The following ATP8A1 variants were observed in gnomAD, a reference collection of about 807,000 sequenced individuals.
ATP8A1 encodes phospholipid-transporting ATPase IA.
Under a neutral mutation model 177.7 loss-of-function variants are expected in ATP8A1, and 90 were observed. That is an observed-to-expected ratio of 0.51 (90% CI 0.43 to 0.60). The LOEUF (loss-of-function observed/expected upper bound fraction) is 0.60. Ranked by LOEUF, ATP8A1 falls within the 20% of genes least tolerant of loss-of-function variation. ATP8A1 has a pLI of 0.00. For synonymous variants in ATP8A1, 493 were observed against 485.9 expected, an observed-to-expected ratio of 1.01 and a Z score of -0.19; for missense variants, 1,072 against 1,392.8, an observed-to-expected ratio of 0.77 and a Z score of 3.67.
At chr4:42,614,814 C>T (rs1393734467) in intron 5 of ATP8A1, among the ~76,000 whole-genome samples, 3 of 152,080 alleles carry the variant, frequency 2.0e-5, no homozygotes, top group African/African-American at 7.2e-5. Flanking sequence ...CCTGAAAAAC[C>T]CCTCTTCCTC....
chr4:42,515,736 A>C (rs997525480), intron 22 of ATP8A1, among the ~76,000 whole-genome samples: 1 of 152,224 alleles, frequency 6.6e-6, no homozygotes, highest in South Asian at 2.1e-4. Flanking sequence ...AAAAGGCAGA[A>C]ATTCTTCTAT....
At chr4:42,546,026 T>G (rs759513365) in intron 19 of ATP8A1, among the ~76,000 whole-genome samples, 1 of 152,014 alleles carries the variant, frequency 6.6e-6, no homozygotes, top group Non-Finnish European at 1.5e-5. Context: ...AACCTGCATA[T>G]CTATGTGTGC....
intron 20 of ATP8A1, among the ~76,000 whole-genome samples, chr4:42,538,617 A>C (rs1194571320): frequency 2.0e-5 from 3 of 152,232 alleles, no homozygotes; most frequent in Non-Finnish European, 4.4e-5. Flanking sequence ...GACAATCCTC[A>C]AAAGAAGATA....
chr4:42,612,757 C>T (rs1230780791), intron 5 of ATP8A1, among the ~76,000 whole-genome samples: 1 of 152,004 alleles, frequency 6.6e-6, no homozygotes, highest in Non-Finnish European at 1.5e-5. Context: ...GAAAACAGGG[C>T]ATCCAATAAG....
intron 1 of ATP8A1, among the ~76,000 whole-genome samples, chr4:42,642,199 A>C (rs1220155610): frequency 1.3e-5 from 2 of 152,204 alleles, no homozygotes; most frequent in Non-Finnish European, 2.9e-5. Flanking sequence ...TTGATAACAC[A>C]ATGCCACAAC....
At position 42,487,699 on chromosome 4, in the gene ATP8A1, A is replaced by C. The variant is rs140019068; in HGVS notation, c.2152-2031T>G. ...AGAGAAGCAAAGGCATAGGTAATTA[A>C]AATTTTATGTTGGGGATTTTTGAAA... On this transcript the variant is annotated intron_variant, in intron 24 of 36. Transcript: ENST00000381668. Among the ~76,000 whole-genome samples, 46 of 152,288 alleles carry C rather than the reference A, an allele frequency of 3.0e-4. 1 individual carries two copies. The East Asian group carries it at 8.1e-3, about 27-fold the overall frequency.
At chr4:42,528,732 G>T (rs929334265) in intron 20 of ATP8A1, among the ~76,000 whole-genome samples, 2 of 152,104 alleles carry the variant, frequency 1.3e-5, no homozygotes, top group Admixed American at 1.3e-4. Context: ...GTGAGACCTT[G>T]ATTGCTTTTC....
intron 33 of ATP8A1, among the ~76,000 whole-genome samples, chr4:42,429,850 T>A (rs1186202000): frequency 6.6e-6 from 1 of 152,228 alleles, no homozygotes; most frequent in African/African-American, 2.4e-5. Context: ...TGAATACATT[T>A]TGCCAAATAA....
At chr4:42,463,229 C>T (rs956113478) in intron 27 of ATP8A1, among the ~76,000 whole-genome samples, 1 of 152,084 alleles carries the variant, frequency 6.6e-6, no homozygotes, top group African/African-American at 2.4e-5. Flanking sequence ...TATGGTTTGG[C>T]TCAAATCTCA....
intron 10 of ATP8A1, 22 bp downstream of exon 10, chr4:42,581,599 G>C (rs2109344711): frequency 2.6e-6 from 4 of 1,565,146 alleles, no homozygotes; most frequent in Non-Finnish European, 3.5e-6. Context: ...GGTCCAAAAG[G>C]TTTCATAGAG....
At chr4:42,582,015 A>T (rs1733136665) in intron 9 of ATP8A1, among the ~76,000 whole-genome samples, 1 of 152,088 alleles carries the variant, frequency 6.6e-6, no homozygotes, top group East Asian at 1.9e-4. Flanking sequence ...CTTACCACCA[A>T]TGTAATGGCA....
At chr4:42,418,398 G>T (rs1713488933) in intron 35 of ATP8A1, among the ~76,000 whole-genome samples, 1 of 152,104 alleles carries the variant, frequency 6.6e-6, no homozygotes, top group Non-Finnish European at 1.5e-5. Context: ...ATACTCCAAT[G>T]ATATCCAAAA....
At chr4:42,446,332 T>A (rs1482980929) in intron 31 of ATP8A1, among the ~76,000 whole-genome samples, 4 of 152,056 alleles carry the variant, frequency 2.6e-5, no homozygotes, top group African/African-American at 9.7e-5. Flanking sequence ...CCCCCCAGAT[T>A]TGGCAAAACC....
intron 5 of ATP8A1, among the ~76,000 whole-genome samples, chr4:42,613,387 C>A (rs1211860635): frequency 6.6e-6 from 1 of 152,084 alleles, no homozygotes; most frequent in Non-Finnish European, 1.5e-5. Flanking sequence ...CCCATGGATA[C>A]AAATCCATGG....
intron 20 of ATP8A1, among the ~76,000 whole-genome samples, chr4:42,533,568 C>T (rs1052213000): frequency 6.6e-6 from 1 of 152,106 alleles, no homozygotes; most frequent in African/African-American, 2.4e-5. Context: ...TGTCTACCTG[C>T]CCTGGTAGCC....
intron 5 of ATP8A1, among the ~76,000 whole-genome samples, chr4:42,606,283 G>A (rs764596214): frequency 3.3e-5 from 5 of 152,294 alleles, no homozygotes; most frequent in Non-Finnish European, 5.9e-5. Context: ...AGCATCAGAG[G>A]CCTGAGAGAC....
At chr4:42,524,472 AAAGTG>A (rs1726477787) in intron 21 of ATP8A1, among the ~76,000 whole-genome samples, 1 of 151,718 alleles carries the variant, frequency 6.6e-6, no homozygotes, top group African/African-American at 2.4e-5. Flanking sequence ...CTCGAGATAC[AAAGTG>A]AAGTATCTAA....
At chr4:42,486,923 A>G (rs906786816) in intron 24 of ATP8A1, among the ~76,000 whole-genome samples, 1 of 152,214 alleles carries the variant, frequency 6.6e-6, no homozygotes, top group Admixed American at 6.5e-5. Flanking sequence ...ATGTTCATAC[A>G]ATGACAAAAT....
intron 30 of ATP8A1, among the ~76,000 whole-genome samples, chr4:42,449,040 TG>T (rs1442479059): frequency 6.6e-6 from 1 of 151,944 alleles, no homozygotes; most frequent in Non-Finnish European, 1.5e-5. Context: ...TTTGCCATGT[TG>T]GCCAGGCTGG....
Sources: gnomAD v4.1 joint callset for allele counts (sites outside exome capture counted in the v4.1 genomes callset) on GRCh38, gnomAD v4.1.1 for gene constraint, MANE v1.5 for transcripts, NCBI Gene and HGNC (gene_info 2026-07-23, HGNC 2026-07-21) for gene names.